ZFHX3: variants seen among roughly 807,000 people sequenced by gnomAD.
ZFHX3 encodes zinc finger homeobox 3.
ZFHX3 carries 42 observed loss-of-function variants against 279.1 expected under a neutral mutation model. That is an observed-to-expected ratio of 0.15 (90% CI 0.12 to 0.19). The LOEUF (loss-of-function observed/expected upper bound fraction) is 0.19. ZFHX3 is among the 10% of genes least tolerant of loss of function. ZFHX3 has a pLI of 1.00. For synonymous variants in ZFHX3, 2,293 were observed against 1,957.8 expected (o/e 1.17, Z -4.52); for missense variants, 4,981 against 4,754.0 (o/e 1.05, Z -1.40).
intron 1 of ZFHX3, among the ~76,000 whole-genome samples, chr16:73,839,360 A>AC (rs1961237538): frequency 7.1e-6 from 1 of 140,554 alleles, no homozygotes; most frequent in African/African-American, 2.8e-5. Flanking sequence ...AAAAAAAAAA[A>AC]AAAAAAGTTA....
intron 5 of ZFHX3, among the ~76,000 whole-genome samples, chr16:72,819,870 A>AT (rs1900213251): frequency 6.6e-6 from 1 of 152,254 alleles, no homozygotes; most frequent in Non-Finnish European, 1.5e-5. Context: ...GTAATCCAGA[A>AT]TAAGGACAGA....
chr16:73,194,156 C>T (rs772655240), intron 5 of ZFHX3, among the ~76,000 whole-genome samples: 7 of 152,110 alleles, frequency 4.6e-5, no homozygotes, highest in Admixed American at 3.3e-4. Context: ...TCATAGACCC[C>T]GGTTTAGGAA....
At chr16:72,846,260 C>T (rs2037476713) in intron 4 of ZFHX3, among the ~76,000 whole-genome samples, 1 of 152,200 alleles carries the variant, frequency 6.6e-6, no homozygotes, top group Non-Finnish European at 1.5e-5. Flanking sequence ...GAGAGGGTGG[C>T]ATTTGCACAC....
intron 4 of ZFHX3, among the ~76,000 whole-genome samples, chr16:73,267,258 G>C (rs970009627): frequency 8.5e-5 from 13 of 152,090 alleles, no homozygotes; most frequent in African/African-American, 2.9e-4. Context: ...TGGGCCTGTG[G>C]AATACACATT....
chr16:72,788,121 C>G lies in ZFHX3; in HGVS notation c.10155G>C (p.Gln3385His), dbSNP rs1157664975. The G allele has an allele frequency of 1.9e-6, 3 of 1,596,648 alleles. No homozygotes were observed. Among genetic ancestry groups the G allele is most frequent in the Non-Finnish European group, 2.6e-6 (3 of 1,167,992 alleles). Reference protein sequence around the residue: ...IQQQQQRQLQQQQQQKVQQQQ... With the variant: ...IQQQQQRQLQHQQQQKVQQQQ... Reference sequence around the variant, plus strand: ...GCTGCTGCACTTTTTGCTGCTGCTGCTGCTGTAGTTGCCGCTGCTGCTGCT... The same window carrying G: ...GCTGCTGCACTTTTTGCTGCTGCTGGTGCTGTAGTTGCCGCTGCTGCTGCT... Residue 3385 changes from glutamine (Q) to histidine (H), a missense_variant, in exon 10 of 10, where the codon CAG becomes CAC. Gln to His is a conservative substitution (Grantham distance 24). Around this residue, in one of 7 missense-constraint regions of ZFHX3, gnomAD observed 1,034 missense variants for 786.0 expected, o/e 1.32. Coordinates refer to ENST00000268489, the MANE Select transcript of ZFHX3 (RefSeq NM_006885.4).
chr16:73,403,166 C>T (rs2017291826), intron 3 of ZFHX3, among the ~76,000 whole-genome samples: 1 of 152,070 alleles, frequency 6.6e-6, no homozygotes, highest in African/African-American at 2.4e-5. Context: ...GTTGAGGGAG[C>T]ATTTTCAGAA....
intron 1 of ZFHX3, among the ~76,000 whole-genome samples, chr16:73,042,066 C>T (rs1010443344): frequency 1.3e-5 from 2 of 152,168 alleles, no homozygotes; most frequent in Non-Finnish European, 2.9e-5. Context: ...TGGGGAGCAG[C>T]TCAGTTCATG....
rs1232517495 is a variant in ZFHX3, at chr16:72,782,975, A to ACAAT, written c.*4185_*4188dup. The ACAAT allele has an allele frequency of 2.0e-5, 3 of 152,604 alleles. No homozygotes were observed. The East Asian group carries it at 5.8e-4, about 29-fold the overall frequency. 9.5% of individuals were successfully genotyped at this position (152,604 alleles called of 1,614,324 possible). On this transcript the variant is annotated 3_prime_UTR_variant, in exon 10 of 10. Transcript: ENST00000268489. ...AAAGGAGTATATTCAATTACCATCT[A>ACAAT]CAATCAACTTAACTATGACAACAAA...
chr16:72,959,558 G>T lies in ZFHX3; in HGVS notation c.588C>A (p.Asn196Lys), dbSNP rs756109628. Residue 196 changes from asparagine to lysine, a missense_variant, in exon 2 of 10, where the codon AAC (asparagine) becomes AAA (lysine). Coordinates refer to ENST00000268489, the MANE Select transcript of ZFHX3 (RefSeq NM_006885.4). Reference protein sequence around the residue: ...CAAPVYPQIINTFHIASSFGK... With the variant: ...CAAPVYPQIIKTFHIASSFGK... ...CGAAGGATGAGGCTATGTGGAAAGT[G>T]TTGATGATCTGCGGGTACACGGGTG... 1.2e-6 allele frequency: 2 copies of T among 1,614,264 alleles called. No homozygotes were observed. The highest frequency in any genetic ancestry group is 1.7e-6 in the Non-Finnish European group (2 of 1,180,050).
chr16:73,806,344 A>G (rs1960275230), intron 1 of ZFHX3, among the ~76,000 whole-genome samples: 1 of 152,200 alleles, frequency 6.6e-6, no homozygotes, highest in African/African-American at 2.4e-5. Context: ...GACTGGCACA[A>G]TTGAGGAGCA....
chr16:73,290,844 C>A (rs892861240), intron 4 of ZFHX3, among the ~76,000 whole-genome samples: 1 of 152,164 alleles, frequency 6.6e-6, no homozygotes, highest in African/African-American at 2.4e-5. Flanking sequence ...AATTAAGGAA[C>A]CTTGGTTAGT....
chr16:73,378,646 A>G (rs1444397469), intron 3 of ZFHX3, among the ~76,000 whole-genome samples: 3 of 152,214 alleles, frequency 2.0e-5, no homozygotes, highest in Non-Finnish European at 4.4e-5. Context: ...ATCTGCACCA[A>G]ACTAACCTCA....
At chr16:73,476,250 C>G (rs1389841842) in intron 2 of ZFHX3, among the ~76,000 whole-genome samples, 3 of 151,844 alleles carry the variant, frequency 2.0e-5, no homozygotes, top group Non-Finnish European at 2.9e-5. Flanking sequence ...AATATTTTAA[C>G]GTAAAGTTTT....
chr16:73,450,040 A>G (rs910630834), intron 3 of ZFHX3, among the ~76,000 whole-genome samples: 1 of 152,218 alleles, frequency 6.6e-6, no homozygotes, highest in African/African-American at 2.4e-5. Flanking sequence ...AAAATTGTAC[A>G]TATTCAAGGT....
rs61285958 is a variant in ZFHX3 at position 73,564,259 on chromosome 16, G to A, written c.-1546-108001C>T. ...ATGGTCACCATCATCCTCGCTCTCT[G>A]CATAACCCCAGGTGCCCTGGGCCAA... On this transcript the variant is annotated intron_variant, in intron 2 of 17. Coordinates refer to the ZFHX3 transcript ENST00000641206. Among the ~76,000 whole-genome samples the A allele has an allele frequency of 8.0e-4, 122 of 152,238 alleles. 1 individual carries two copies. In the East Asian group the frequency reaches 0.018, roughly 23 times the overall value.
At chr16:73,860,010 T>A (rs1053910085) in intron 1 of ZFHX3, among the ~76,000 whole-genome samples, 3 of 152,146 alleles carry the variant, frequency 2.0e-5, no homozygotes, top group East Asian at 3.8e-4. Flanking sequence ...CCAGTTCAAA[T>A]TGAGCCTGAC....
At chr16:73,670,106 T>C (rs922774693) in intron 2 of ZFHX3, among the ~76,000 whole-genome samples, 2 of 152,178 alleles carry the variant, frequency 1.3e-5, no homozygotes, top group African/African-American at 4.8e-5. Flanking sequence ...ACCAGCTGGA[T>C]AAGGTGGTTT....
chr16:73,326,228 C>T (rs563391021), intron 3 of ZFHX3, among the ~76,000 whole-genome samples: 1 of 152,154 alleles, frequency 6.6e-6, no homozygotes, highest in East Asian at 1.9e-4. Flanking sequence ...AATAATATAT[C>T]ATATGCAACG....
At chr16:73,249,116 A>C (rs1298787778) in intron 5 of ZFHX3, among the ~76,000 whole-genome samples, 1 of 152,198 alleles carries the variant, frequency 6.6e-6, no homozygotes, top group Non-Finnish European at 1.5e-5. Flanking sequence ...CATTATTGCC[A>C]CTTAAAGATG....
Sources: allele counts gnomAD v4.1 joint callset (sites outside exome capture counted in the v4.1 genomes callset), GRCh38; gene constraint gnomAD v4.1.1; regional missense constraint gnomAD v4.1.1; transcripts MANE v1.5; gene names NCBI Gene and HGNC (gene_info 2026-07-23, HGNC 2026-07-21).